The following STIM1 variants were observed in gnomAD, a reference collection of about 807,000 sequenced individuals.
STIM1 encodes stromal interaction molecule 1.
A neutral mutation model predicts 74.7 loss-of-function variants in STIM1; 25 were observed. The ratio of observed to expected loss-of-function variants is 0.33; its 90% CI spans 0.24 to 0.47. STIM1 has a LOEUF of 0.47. Among genes scored for constraint, STIM1 ranks in the 20% least tolerant of loss-of-function variants. The pLI is 1.00. For synonymous variants in STIM1, 328 were observed against 348.8 expected (o/e 0.94, Z 0.66); for missense variants, 728 against 920.8 (o/e 0.79, Z 2.71).
At chr11:3,913,466 G>A (rs2092597020) in intron 1 of STIM1, among the ~76,000 whole-genome samples, 1 of 152,060 alleles carries the variant, frequency 6.6e-6, no homozygotes, top group African/African-American at 2.4e-5. Context: ...GGAGTTACAG[G>A]GATCAACCAC....
At chr11:4,002,265 C>T (rs1227722766) in intron 2 of STIM1, among the ~76,000 whole-genome samples, 3 of 151,888 alleles carry the variant, frequency 2.0e-5, no homozygotes, top group Non-Finnish European at 2.9e-5. Flanking sequence ...ACTCTCCACC[C>T]CAAATCAACA....
chr11:3,902,581 T>C (rs2092377359), intron 1 of STIM1, among the ~76,000 whole-genome samples: 1 of 152,170 alleles, frequency 6.6e-6, no homozygotes, highest in South Asian at 2.1e-4. Context: ...ATGCTGCCAC[T>C]GATATGACAG....
In STIM1 at chr11:3,980,082, T is replaced by C. The variant is rs574017170; in HGVS notation, c.270+12400T>C. Among the ~76,000 whole-genome samples the C allele has an allele frequency of 5.3e-5, 8 of 152,332 alleles. No individual in the cohort carries two copies. The South Asian group carries it at 1.7e-3, about 32-fold the overall frequency. On this transcript the variant is annotated intron_variant, in intron 2 of 12. Transcript: ENST00000526596. ...TGCCTTGCTTTGTGCCCTAATGATT[T>C]TGATTGTATTGTTTTGTCTATAACT...
intron 1 of STIM1, among the ~76,000 whole-genome samples, chr11:3,857,819 T>G (rs1188705431): frequency 6.6e-6 from 1 of 152,182 alleles, no homozygotes; most frequent in African/African-American, 2.4e-5. Flanking sequence ...GCAATACCCT[T>G]TTAAGTTCCA....
intron 1 of STIM1, among the ~76,000 whole-genome samples, chr11:3,902,628 C>T (rs759528230): frequency 8.5e-5 from 13 of 152,202 alleles, no homozygotes; most frequent in African/African-American, 1.2e-4. Context: ...GCTTGCCTGC[C>T]GCTCACCTCC....
chr11:3,923,794 T>G (rs903637317), intron 1 of STIM1, among the ~76,000 whole-genome samples: 3 of 152,092 alleles, frequency 2.0e-5, no homozygotes, highest in African/African-American at 7.2e-5. Flanking sequence ...TTTAAGTTTA[T>G]CAGGTTGTTG....
chr11:4,079,063 G>A (rs998225458), intron 7 of STIM1, among the ~76,000 whole-genome samples: 8 of 152,082 alleles, frequency 5.3e-5, no homozygotes, highest in Non-Finnish European at 1.2e-4. Flanking sequence ...AGGCCAAAGC[G>A]GGCGGATCAT....
chr11:3,981,703 C>T (rs1320623132), intron 2 of STIM1, among the ~76,000 whole-genome samples: 2 of 152,096 alleles, frequency 1.3e-5, no homozygotes, highest in African/African-American at 2.4e-5. Context: ...ATGACCTATA[C>T]GTCTGACCTC....
chr11:3,858,077 C>G (rs972926616), intron 1 of STIM1, among the ~76,000 whole-genome samples: 1 of 152,218 alleles, frequency 6.6e-6, no homozygotes, highest in Non-Finnish European at 1.5e-5. Flanking sequence ...GTCCCTGTGA[C>G]ATTCCTATTT....
chr11:4,050,675 TA>T (rs1316881803), intron 3 of STIM1, among the ~76,000 whole-genome samples: 2 of 152,190 alleles, frequency 1.3e-5, no homozygotes, highest in Non-Finnish European at 2.9e-5. Flanking sequence ...ACACAGGGGT[TA>T]GGGGTGCTGA....
In STIM1 at chr11:3,978,551, A is replaced by T. The variant is rs2093472032; in HGVS notation, c.270+10869A>T. On this transcript the variant is annotated intron_variant, in intron 2 of 12. Coordinates refer to ENST00000526596, the MANE Select transcript of STIM1 (RefSeq NM_001382567.1). ...CGAGGCGGGTGGATCACCTGAGGTCAGGAGTTTGAGACCAGCCTGTCCAAC... is the reference window on the plus strand; with the variant it reads ...CGAGGCGGGTGGATCACCTGAGGTCTGGAGTTTGAGACCAGCCTGTCCAAC... Among the ~76,000 whole-genome samples the T allele has an allele frequency of 2.7e-5, 4 of 150,602 alleles. No homozygotes were observed. The South Asian group carries it at 8.7e-4, about 33-fold the overall frequency.
At chr11:4,064,824 A>T (rs2094354860) in intron 5 of STIM1, among the ~76,000 whole-genome samples, 1 of 152,196 alleles carries the variant, frequency 6.6e-6, no homozygotes. Context: ...CACTCTACAG[A>T]GTTGGCTCTG....
intron 3 of STIM1, among the ~76,000 whole-genome samples, chr11:4,025,577 G>A (rs2093992144): frequency 6.6e-6 from 1 of 152,156 alleles, no homozygotes; most frequent in Non-Finnish European, 1.5e-5. Flanking sequence ...AATAACATGA[G>A]GACAGGGTGG....
intron 1 of STIM1, among the ~76,000 whole-genome samples, chr11:3,959,760 G>A (rs988499604): frequency 7.2e-5 from 11 of 152,046 alleles, no homozygotes; most frequent in African/African-American, 2.7e-4. Flanking sequence ...ATGGCGGGTG[G>A]CAGCAAGGCC....
rs199912176 is a variant in STIM1 at position 4,092,587 on chromosome 11, G to A, written c.*789G>A. 3.3e-5 allele frequency: 5 copies of A among 152,642 alleles called. No homozygotes were observed. Among genetic ancestry groups the A allele is most frequent in the Non-Finnish European group, 5.8e-5 (4 of 68,494 alleles). 9.5% of individuals were successfully genotyped at this position (152,642 alleles called of 1,614,324 possible). A position where few individuals can be genotyped will look rare whatever the true frequency, so the allele number is the denominator to read the frequency against. ...TTACCCCTGCTCCCCCACACTGCAG[G>A]AGGATTTGTCTCTAAGAGGTGCTGC... On this transcript the variant is annotated 3_prime_UTR_variant, in exon 13 of 13. Coordinates refer to ENST00000526596, the MANE Select transcript of STIM1 (RefSeq NM_001382567.1).
At chr11:3,872,683 G>A (rs1469709288) in intron 1 of STIM1, among the ~76,000 whole-genome samples, 2 of 151,442 alleles carry the variant, frequency 1.3e-5, no homozygotes, top group East Asian at 2.0e-4. Flanking sequence ...CACCACGCCC[G>A]GCTAATTTTT....
At position 4,083,478 on chromosome 11, in the gene STIM1, T is replaced by C; in HGVS notation, c.1454T>C (p.Val485Ala). ...GTGGATGACATGGATGAGGAGATTG[T>C]GTCTCCCTTGTCCATGCAGTGTAGG... Reference protein sequence around the residue: ...DDVDDMDEEIVSPLSMQYAAW... With the variant: ...DDVDDMDEEIASPLSMQYAAW... Residue 485 changes from valine to alanine, a missense_variant, in exon 10 of 13, where the codon GTG becomes GCG. Physicochemically the swap from Val to Ala is moderately conservative, Grantham distance 64 (BLOSUM62 0). Transcript: ENST00000526596. The C allele has an allele frequency of 1.2e-6, 2 of 1,614,060 alleles. No homozygotes were observed. Among genetic ancestry groups the C allele is most frequent in the Non-Finnish European group, 1.7e-6 (2 of 1,179,912 alleles).
chr11:4,054,631 G>A (rs2094273902), intron 3 of STIM1, among the ~76,000 whole-genome samples: 2 of 152,146 alleles, frequency 1.3e-5, no homozygotes, highest in Admixed American at 6.5e-5. Context: ...GATGATCTAG[G>A]TGGAACAGTT....
Position 3,892,311 on chromosome 11 carries a change from G to A in STIM1, c.139+35902G>A, listed in dbSNP as rs144883960. 3.0e-4 allele frequency: 246 copies of A among 822,788 alleles called. No homozygotes were observed. The African/African-American group carries it at 3.3e-3, about 11-fold the overall frequency. The allele number at this position is 822,788 out of a possible 1,614,324, so 51.0% of individuals were successfully genotyped here. A position where few individuals can be genotyped will look rare whatever the true frequency, so the allele number is the denominator to read the frequency against. ...GAGCACAAAGATTCAAGGATACTGC[G>A]AGCAAATGGGGTGGAGGGGTGCTCT... On this transcript the variant is annotated intron_variant, in intron 1 of 12. Coordinates refer to ENST00000526596, the MANE Select transcript of STIM1 (RefSeq NM_001382567.1).
Sources: gnomAD v4.1 joint callset for allele counts (sites outside exome capture counted in the v4.1 genomes callset) on GRCh38, gnomAD v4.1.1 for gene constraint, MANE v1.5 for transcripts, NCBI Gene and HGNC (gene_info 2026-07-23, HGNC 2026-07-21) for gene names.